The following HSPA14 variants were observed in gnomAD, a reference collection of about 807,000 sequenced individuals.
HSPA14 encodes the protein heat shock protein family A (Hsp70) member 14, also known as heat shock 70 kDa protein 14.
HSPA14 carries 37 observed loss-of-function variants against 65.5 expected under a neutral mutation model. The ratio of observed to expected loss-of-function variants is 0.56; its 90% confidence interval spans 0.43 to 0.74. HSPA14 has a LOEUF of 0.74. Among genes scored for constraint, HSPA14 ranks in the 30% least tolerant of loss-of-function variants. The pLI is 0.00. For missense variants in HSPA14, 564 were observed against 607.6 expected (o/e 0.93, Z 0.75); for synonymous variants, 203 against 214.2 (o/e 0.95, Z 0.46).
chr10:14,849,472 G>A, intron 5 of HSPA14: 1 of 595,506 alleles, frequency 1.7e-6, no homozygotes, highest in South Asian at 1.5e-5. Context: ...TCAGAAGATG[G>A]TTGATACTGA....
intron 10 of HSPA14, 96 bp downstream of exon 10, chr10:14,856,039 T>G (rs1832690535): frequency 1.1e-5 from 8 of 705,734 alleles, no homozygotes; most frequent in African/African-American, 1.8e-5. Context: ...TTTTAATGCA[T>G]TTAAGAATTT....
chr10:14,841,359 A>C (rs1040722730), intron 3 of HSPA14: 2 of 152,242 alleles, frequency 1.3e-5, no homozygotes, highest in African/African-American at 2.4e-5. Flanking sequence ...TCAAGCCCAA[A>C]TCACTGAGCA....
In HSPA14 at chr10:14,838,306, G is replaced by T; in HGVS notation, c.-97G>T. The T allele has an allele frequency of 7.9e-7, 1 of 1,272,540 alleles. No individual in the cohort carries two copies. The highest frequency in any genetic ancestry group is 1.1e-6 in the Non-Finnish European group (1 of 904,902). 78.8% of individuals were successfully genotyped at this position (1,272,540 alleles called of 1,614,324 possible). On this transcript the variant is annotated 5_prime_UTR_variant, in exon 1 of 14. Coordinates refer to ENST00000378372, the MANE Select transcript of HSPA14 (RefSeq NM_016299.4). ...CCGGACGCAGGGGGCTGGCGGGAACGTGAAGCTCCGCGGTGCCTGATGGGG... is the reference window on the plus strand; with the variant it reads ...CCGGACGCAGGGGGCTGGCGGGAACTTGAAGCTCCGCGGTGCCTGATGGGG...
rs1009312000 is a variant in HSPA14, at chr10:14,841,678, C to CA, written c.221+1531dup. ...TGTGGCTTTCTTCTGCCATATTGTG[C>CA]AAAAAAAAAATTTGTATTAGCAGAG... On this transcript the variant is annotated intron_variant, in intron 3 of 13. Coordinates refer to ENST00000378372, the MANE Select transcript of HSPA14 (RefSeq NM_016299.4). Among the ~76,000 whole-genome samples the CA allele has an allele frequency of 1.5e-4, 23 of 149,852 alleles. No homozygotes were observed. In the South Asian group the frequency reaches 1.7e-3, roughly 11 times the overall value.
Position 14,842,130 on chromosome 10 carries a change from C to T in HSPA14, c.221+1973C>T. The T allele has an allele frequency of 6.5e-7, 1 of 1,531,930 alleles. No individual in the cohort carries two copies. Among genetic ancestry groups the T allele is most frequent in the Non-Finnish European group, 8.7e-7 (1 of 1,144,400 alleles). 94.9% of individuals were successfully genotyped at this position (1,531,930 alleles called of 1,614,324 possible). A position where few individuals can be genotyped will look rare whatever the true frequency, so the allele number is the denominator to read the frequency against. The stretch of plus-strand genomic sequence containing the variant: ...GTAACTCTCATTCCCCTGTGGCCTT[C>T]CAGCCAGAAATGCGGTCCTTGGACC... On this transcript the variant is annotated intron_variant, in intron 3 of 13. Transcript: ENST00000378372. This position sits in a 1 kb window ranked among gnomAD's most constrained non-coding sequence, Gnocchi z 5.2.
chr10:14,845,525 T>C (rs1834038123), intron 3 of HSPA14: 24 of 985,062 alleles, frequency 2.4e-5, no homozygotes, highest in Non-Finnish European at 2.9e-5. Context: ...GGAATCTAGT[T>C]AGAATTCCTG....
chr10:14,856,913 T>C (rs1832705117), intron 10 of HSPA14, among the ~76,000 whole-genome samples: 1 of 152,150 alleles, frequency 6.6e-6, no homozygotes, highest in South Asian at 2.1e-4. Context: ...ATTATTGAAG[T>C]AGTAAGTATT....
chr10:14,867,885 CA>C lies in HSPA14; in HGVS notation c.1359del (p.Glu454ArgfsTer13). The C allele has an allele frequency of 6.2e-7, 1 of 1,613,432 alleles. No individual in the cohort carries two copies. On this transcript the variant is annotated frameshift_variant, in exon 12 of 14. Transcript: ENST00000378372. LOFTEE classifies it high-confidence loss of function. The part of the protein sequence containing the change: ...LYESDGKNSA[K>X]EETKFAQVVL... ...ATGAGTCTGATGGGAAGAACTCTGC[CA>C]AAGAGGAAACCAAGTTTGCACAGGT...
Position 14,842,980 on chromosome 10 carries a change from A to G in HSPA14, c.221+2823A>G, listed in dbSNP as rs751299788. 4.1e-6 allele frequency: 3 copies of G among 734,524 alleles called. No individual in the cohort carries two copies. Among genetic ancestry groups the G allele is most frequent in the Non-Finnish European group, 6.5e-6 (3 of 461,094 alleles). The allele number at this position is 734,524 out of a possible 1,614,324, so 45.5% of individuals were successfully genotyped here. A position where few individuals can be genotyped will look rare whatever the true frequency, so the allele number is the denominator to read the frequency against. ...TCATTCTGCCCCACGCACCTTTTCA[A>G]AAACCTAATAGTAAGCTAAAGGGTT... On this transcript the variant is annotated intron_variant, in intron 3 of 13. Coordinates refer to ENST00000378372, the MANE Select transcript of HSPA14 (RefSeq NM_016299.4). The surrounding 1 kb of genome is among the most constrained non-coding windows in gnomAD (Gnocchi z 5.2).
At chr10:14,845,241 T>G in intron 3 of HSPA14, 1 of 985,060 alleles carries the variant, frequency 1.0e-6, no homozygotes, top group Non-Finnish European at 1.2e-6. Context: ...ATTTACTTAG[T>G]ACTTTTAGGA....
chr10:14,865,029 T>A (rs1249067793), intron 10 of HSPA14, among the ~76,000 whole-genome samples: 3 of 152,210 alleles, frequency 2.0e-5, no homozygotes, highest in Non-Finnish European at 4.4e-5. Flanking sequence ...TGGTGTGAGA[T>A]GGTATCTCCT....
intron 3 of HSPA14, among the ~76,000 whole-genome samples, chr10:14,847,918 G>T (rs908005956): frequency 6.6e-6 from 1 of 152,180 alleles, no homozygotes; most frequent in Non-Finnish European, 1.5e-5. Flanking sequence ...GCGTGATAGA[G>T]AAGACCTAGG....
rs377647045 is a variant in HSPA14 at position 14,852,340 on chromosome 10, C to T, written c.573-30C>T. On this transcript the variant is annotated intron_variant, in intron 7 of 13. Transcript: ENST00000378372. ...CCAACTTAGTTTTAAAATGTTATTC[C>T]CTGATAACTTACTTTATCTTCTCTT... 7.6e-6 allele frequency: 12 copies of T among 1,582,880 alleles called. No individual in the cohort carries two copies. The African/African-American group carries it at 1.2e-4, about 16-fold the overall frequency.
At position 14,842,868 on chromosome 10, in the gene HSPA14, G is replaced by C; in HGVS notation, c.221+2711G>C. On this transcript the variant is annotated intron_variant, in intron 3 of 13. Transcript: ENST00000378372. This position sits in a 1 kb window ranked among gnomAD's most constrained non-coding sequence, Gnocchi z 5.2. ...GCAGGTAACTCCCAAGCATGTGAAG[G>C]AGTTGGGTCCCAGAGTCTTGTGGCT... The C allele has an allele frequency of 6.8e-7, 1 of 1,476,836 alleles. No individual in the cohort carries two copies. The highest frequency in any genetic ancestry group is 9.1e-7 in the Non-Finnish European group (1 of 1,104,396). 91.5% of individuals were successfully genotyped at this position (1,476,836 alleles called of 1,614,324 possible).
rs1271894837 is a variant in HSPA14 at position 14,842,178 on chromosome 10, G to A, written c.221+2021G>A. ...ACCTGGCTTCTCAGCAATTATCCCT[G>A]AGAGGGAAGATCCTGGAGATATCCT... On this transcript the variant is annotated intron_variant, in intron 3 of 13. Coordinates refer to ENST00000378372, the MANE Select transcript of HSPA14 (RefSeq NM_016299.4). This position sits in a 1 kb window ranked among gnomAD's most constrained non-coding sequence, Gnocchi z 5.2. 3 of 1,534,944 alleles carry A rather than the reference G, an allele frequency of 2.0e-6. No individual in the cohort carries two copies. Among genetic ancestry groups the A allele is most frequent in the Admixed American group, 2.0e-5 (1 of 50,980 alleles).
Position 14,851,308 on chromosome 10 carries a change from C to T in HSPA14, c.557C>T (p.Ser186Phe). The change falls in exon 7 of 14, where the codon TCC becomes TTC. Residue 186 changes from serine to phenylalanine, a missense_variant. Coordinates refer to ENST00000378372, the MANE Select transcript of HSPA14 (RefSeq NM_016299.4). ...CTTGCTTATGGAATTGGACAAGACT[C>T]CCCTACTGGAAAAAGGTAAAGATCA... Reference protein sequence around the residue: ...ALLAYGIGQDSPTGKSNILVF... With the variant: ...ALLAYGIGQDFPTGKSNILVF... 6.3e-7 allele frequency: 1 copy of T among 1,598,848 alleles called. No individual in the cohort carries two copies.
chr10:14,842,652 A>C lies in HSPA14; in HGVS notation c.221+2495A>C, dbSNP rs1231218800. The C allele has an allele frequency of 1.3e-6, 2 of 1,536,250 alleles. No homozygotes were observed. The highest frequency in any genetic ancestry group is 4.9e-5 in the East Asian group (2 of 40,924). On this transcript the variant is annotated intron_variant, in intron 3 of 13. Coordinates refer to ENST00000378372, the MANE Select transcript of HSPA14 (RefSeq NM_016299.4). The surrounding 1 kb of genome is among the most constrained non-coding windows in gnomAD (Gnocchi z 5.2). ...GCTGCTTGGGCCAAGCACTGTGATC[A>C]GAACTTAGTGGCCTCTGACGCCCCA...
intron 3 of HSPA14, chr10:14,846,600 T>A (rs1194599588): frequency 4.1e-6 from 4 of 969,814 alleles, no homozygotes; most frequent in Non-Finnish European, 4.9e-6. Flanking sequence ...GAAAAGCTTT[T>A]CCAGCATTCC....
chr10:14,860,172 A>C (rs1428392584), intron 10 of HSPA14, among the ~76,000 whole-genome samples: 2 of 152,092 alleles, frequency 1.3e-5, no homozygotes, highest in African/African-American at 4.8e-5. Context: ...TTTATCTTAC[A>C]TTTTGTCACT....
Sources: gnomAD v4.1 joint callset for allele counts (sites outside exome capture counted in the v4.1 genomes callset) on GRCh38, gnomAD v4.1.1 for gene constraint, Gnocchi (gnomAD v3.1) non-coding constraint, MANE v1.5 for transcripts, NCBI Gene and HGNC (gene_info 2026-07-23, HGNC 2026-07-21) for gene names.